ITGB3BP: variants seen among roughly 807,000 people sequenced by gnomAD.
The protein encoded by ITGB3BP is centromere protein R.
In ITGB3BP, 27 loss-of-function variants were observed where a neutral mutation model predicts 29.1. The observed-to-expected ratio is 0.93, with a 90% confidence interval of 0.68 to 1.28. ITGB3BP has a LOEUF of 1.28. Among genes scored for constraint, ITGB3BP ranks in the 50% most tolerant of loss-of-function variants. The probability of loss-of-function intolerance (pLI) is 0.00; values close to 1 mark genes in which losing one functional copy is unlikely to be tolerated. For synonymous variants in ITGB3BP, 61 were observed against 61.4 expected (o/e 0.99, Z 0.03); for missense variants, 192 against 200.2 (o/e 0.96, Z 0.25).
At chr1:63,513,575 C>T (rs893048606) in intron 1 of ITGB3BP, among the ~76,000 whole-genome samples, 18 of 152,168 alleles carry the variant, frequency 1.2e-4, no homozygotes, top group East Asian at 1.9e-4. Context: ...CTGTTACTTA[C>T]GTCATCGCTT....
intron 7 of ITGB3BP, among the ~76,000 whole-genome samples, chr1:63,448,485 A>C (rs1443419274): frequency 6.6e-6 from 1 of 152,100 alleles, no homozygotes; most frequent in African/African-American, 2.4e-5. Flanking sequence ...AACTGGAGGA[A>C]AAATCACCTA....
chr1:63,500,867 C>G (rs1009414894), intron 2 of ITGB3BP, among the ~76,000 whole-genome samples: 2 of 152,196 alleles, frequency 1.3e-5, no homozygotes, highest in African/African-American at 2.4e-5. Flanking sequence ...AGGACTCATA[C>G]TTCCTGATTT....
At chr1:63,507,865 C>G (rs954809650) in intron 2 of ITGB3BP, among the ~76,000 whole-genome samples, 2 of 152,112 alleles carry the variant, frequency 1.3e-5, no homozygotes, top group African/African-American at 4.8e-5. Flanking sequence ...CACCAATTTA[C>G]CTGCATTTAA....
At chr1:63,522,318 TTTGCATTTTAC>T (rs1286860805) in intron 1 of ITGB3BP, among the ~76,000 whole-genome samples, 3 of 152,224 alleles carry the variant, frequency 2.0e-5, no homozygotes, top group African/African-American at 7.2e-5. Flanking sequence ...GCTGTGTTAC[TTTGCATTTTAC>T]TTAATCCTGA....
chr1:63,472,917 C>A (rs1284712739), intron 4 of ITGB3BP, among the ~76,000 whole-genome samples: 2 of 152,060 alleles, frequency 1.3e-5, no homozygotes, highest in African/African-American at 2.4e-5. Context: ...AAGTGAGGAG[C>A]GTCTCTGCCT....
intron 2 of ITGB3BP, among the ~76,000 whole-genome samples, chr1:63,505,119 C>A (rs939367094): frequency 6.6e-6 from 1 of 152,108 alleles, no homozygotes; most frequent in Non-Finnish European, 1.5e-5. Flanking sequence ...TGGTAGAATT[C>A]GGCTGTGAAT....
chr1:63,480,479 T>A (rs897170641), intron 3 of ITGB3BP, among the ~76,000 whole-genome samples: 1 of 152,160 alleles, frequency 6.6e-6, no homozygotes, highest in African/African-American at 2.4e-5. Context: ...TGGCTTTTGA[T>A]GTTTATGAAT....
At chr1:63,484,083 C>G (rs1038149284) in intron 3 of ITGB3BP, among the ~76,000 whole-genome samples, 1 of 152,040 alleles carries the variant, frequency 6.6e-6, no homozygotes, top group African/African-American at 2.4e-5. Flanking sequence ...TGGATTCAAC[C>G]AACCATGGAT....
chr1:63,490,963 T>C (rs1195088476), intron 2 of ITGB3BP, among the ~76,000 whole-genome samples: 1 of 151,512 alleles, frequency 6.6e-6, no homozygotes, highest in Admixed American at 6.6e-5. Context: ...TTGGCCATCT[T>C]GCTCTACTCA....
At chr1:63,479,122 A>G (rs2100627932) in intron 3 of ITGB3BP, among the ~76,000 whole-genome samples, 1 of 152,302 alleles carries the variant, frequency 6.6e-6, no homozygotes, top group Admixed American at 6.5e-5. Flanking sequence ...ATGCATTAGT[A>G]AACTTTATTA....
At chr1:63,504,718 T>C (rs1646029746) in intron 2 of ITGB3BP, among the ~76,000 whole-genome samples, 1 of 152,214 alleles carries the variant, frequency 6.6e-6, no homozygotes, top group African/African-American at 2.4e-5. Context: ...GTTTTTAGCA[T>C]GAAGGTTGTT....
chr1:63,492,363 A>C (rs1645671501), intron 2 of ITGB3BP, among the ~76,000 whole-genome samples: 1 of 152,112 alleles, frequency 6.6e-6, no homozygotes, highest in South Asian at 2.1e-4. Context: ...TCCCTACTAT[A>C]CCACTAAATA....
chr1:63,460,289 G>A (rs111371806), intron 4 of ITGB3BP, among the ~76,000 whole-genome samples: 1 of 152,044 alleles, frequency 6.6e-6, no homozygotes, highest in African/African-American at 2.4e-5. Context: ...TAACCATTAA[G>A]CAGTAACTCT....
rs1644908514 is a variant in ITGB3BP, at chr1:63,454,768, C to T, written c.333+122G>A. On this transcript the variant is annotated intron_variant, in intron 5 of 8. Transcript: ENST00000271002. This position sits in a 1 kb window ranked among gnomAD's most constrained non-coding sequence, Gnocchi z 4.1. ...GTGTTCTCCTATTAAAAAAAAAATT[C>T]CCATGAAAAGTAAATTAAACATACT... The T allele has an allele frequency of 4.2e-6, 2 of 480,762 alleles. No individual in the cohort carries two copies. Among genetic ancestry groups the T allele is most frequent in the East Asian group, 6.3e-5 (2 of 31,632 alleles). The allele number at this position is 480,762 out of a possible 1,614,324, so 29.8% of individuals were successfully genotyped here. A position where few individuals can be genotyped will look rare whatever the true frequency, so the allele number is the denominator to read the frequency against.
At chr1:63,487,258 T>C (rs1218501206) in intron 3 of ITGB3BP, among the ~76,000 whole-genome samples, 1 of 152,034 alleles carries the variant, frequency 6.6e-6, no homozygotes, top group East Asian at 1.9e-4. Context: ...TTCCAGTATG[T>C]TTATTTGAAA....
intron 4 of ITGB3BP, among the ~76,000 whole-genome samples, chr1:63,472,113 A>G (rs576890689): frequency 1.1e-4 from 16 of 151,958 alleles, no homozygotes; most frequent in Non-Finnish European, 2.1e-4. Flanking sequence ...TGTCCTGAGA[A>G]AACTACTGAT....
At chr1:63,525,156 C>G (rs72679079), upstream of ITGB3BP, among the ~76,000 whole-genome samples, 2,809 of 152,226 alleles carry the variant, frequency 0.018, 36 homozygotes, top group Middle Eastern at 0.041. Flanking sequence ...CATGTATTAA[C>G]TGATTTGCTC....
chr1:63,505,737 G>C (rs929498553), intron 2 of ITGB3BP, among the ~76,000 whole-genome samples: 22 of 152,108 alleles, frequency 1.4e-4, no homozygotes, highest in African/African-American at 3.6e-4. Flanking sequence ...TGGTTTCAAA[G>C]AACATCTTTA....
At chr1:63,471,503 A>T (rs1292411014) in intron 4 of ITGB3BP, among the ~76,000 whole-genome samples, 2 of 152,000 alleles carry the variant, frequency 1.3e-5, no homozygotes, top group Non-Finnish European at 2.9e-5. Context: ...TGCCCACCTC[A>T]GCCTCCCAAA....
Sources: allele counts gnomAD v4.1 joint callset (sites outside exome capture counted in the v4.1 genomes callset), GRCh38; gene constraint gnomAD v4.1.1; non-coding constraint Gnocchi (gnomAD v3.1); transcripts MANE v1.5; gene names NCBI Gene and HGNC (gene_info 2026-07-23, HGNC 2026-07-21).